PCLO: variants seen among roughly 807,000 people sequenced by gnomAD.
PCLO encodes the protein piccolo presynaptic cytomatrix protein, also known as protein piccolo.
In PCLO, 82 loss-of-function variants were observed where a neutral mutation model predicts 427.5. The ratio of observed to expected loss-of-function variants is 0.19; its 90% CI spans 0.16 to 0.23. The LOEUF is 0.23. Among genes scored for constraint, PCLO ranks in the 10% least tolerant of loss-of-function variants. The pLI is 1.00. For missense variants in PCLO, 6,239 were observed against 6,115.9 expected (o/e 1.02, Z -0.67); for synonymous variants, 2,357 against 2,155.4 (o/e 1.09, Z -2.59).
intron 3 of PCLO, among the ~76,000 whole-genome samples, chr7:83,074,672 G>T (rs1789907284): frequency 6.6e-6 from 1 of 152,080 alleles, no homozygotes; most frequent in Non-Finnish European, 1.5e-5. Context: ...TAGATGAATT[G>T]TCACTAGATA....
intron 5 of PCLO, 31 bp from the exon 6 acceptor site, chr7:82,951,521 T>C: frequency 7.1e-7 from 1 of 1,405,860 alleles, no homozygotes; most frequent in Non-Finnish European, 9.7e-7. Flanking sequence ...ATAGTCCAGT[T>C]CCCAGAATGA....
intron 8 of PCLO, among the ~76,000 whole-genome samples, chr7:82,907,685 AAAC>A: frequency 6.6e-6 from 1 of 151,950 alleles, no homozygotes; most frequent in Non-Finnish European, 1.5e-5. Context: ...ATATATGCCT[AAAC>A]AAAATATGTA....
Position 82,953,419 on chromosome 7 carries a change from G to A in PCLO, c.7534C>T (p.Pro2512Ser), listed in dbSNP as rs970492935. The change falls in exon 5 of 25, where the codon CCC becomes TCC. Residue 2512 changes from proline to serine, a missense_variant. Physicochemically the swap from Pro to Ser is moderately conservative, Grantham distance 74. Coordinates refer to ENST00000333891, the MANE Select transcript of PCLO (RefSeq NM_033026.6). Reference protein sequence around the residue: ...RPEPSKPPIAPKPVIPQLPTT... With the variant: ...RPEPSKPPIASKPVIPQLPTT... ...GGAAGCTGAGGAATCACTGGTTTGG[G>A]GGCGATTGGAGGTTTGCTTGGCTCA... The A allele has an allele frequency of 1.9e-6, 3 of 1,613,630 alleles. No homozygotes were observed. The South Asian group carries it at 3.3e-5, about 18-fold the overall frequency.
At chr7:83,065,267 G>C (rs10240326) in intron 3 of PCLO, among the ~76,000 whole-genome samples, 117,830 of 151,734 alleles carry the variant, frequency 0.78, 46,620 homozygotes, top group African/African-American at 0.92. Context: ...TTTCTATAAG[G>C]CTTTTTCTAC....
intron 11 of PCLO, 113 bp from the exon 12 acceptor site, chr7:82,846,747 T>C (rs1792513747): frequency 1.5e-6 from 1 of 645,784 alleles, no homozygotes; most frequent in Non-Finnish European, 2.6e-6. Context: ...TGGTTAATGA[T>C]ATAAAGCAAC....
At chr7:82,893,078 T>C (rs1793810418) in intron 9 of PCLO, among the ~76,000 whole-genome samples, 1 of 152,118 alleles carries the variant, frequency 6.6e-6, no homozygotes, top group African/African-American at 2.4e-5. Context: ...ACTGGGTATA[T>C]ACCCAAAGGA....
rs144618086 is a variant in PCLO at position 83,074,432 on chromosome 7, A to G, written c.3300+59818T>C. Among the ~76,000 whole-genome samples, 393 of 152,222 alleles carry G rather than the reference A, an allele frequency of 2.6e-3. 2 individuals carry two copies. The highest frequency in any genetic ancestry group is 9.1e-3 in the African/African-American group (378 of 41,576). ...TATAAATTACCTTTGATAAAAATCT[A>G]GTGAGGCCCAATTATGTAAAAGTAT... On this transcript the variant is annotated intron_variant, in intron 3 of 24. Transcript: ENST00000333891.
At chr7:83,096,516 T>A (rs78522948) in intron 3 of PCLO, among the ~76,000 whole-genome samples, 2 of 151,548 alleles carry the variant, frequency 1.3e-5, no homozygotes, top group Non-Finnish European at 2.9e-5. Flanking sequence ...ATTTAAACCA[T>A]GTGAAGGACT....
At chr7:83,011,656 C>T (rs548197770) in intron 3 of PCLO, among the ~76,000 whole-genome samples, 3 of 151,764 alleles carry the variant, frequency 2.0e-5, no homozygotes, top group African/African-American at 7.2e-5. Context: ...CCAAATTTGG[C>T]TTCAAACCAC....
intron 7 of PCLO, among the ~76,000 whole-genome samples, chr7:82,911,585 T>C (rs529674356): frequency 3.7e-4 from 56 of 152,214 alleles, no homozygotes; most frequent in African/African-American, 1.3e-3. Context: ...GAAATATATA[T>C]ACTTTTAAAA....
Position 82,822,586 on chromosome 7 carries a change from G to A in PCLO, c.14700C>T (p.Ser4900=), listed in dbSNP as rs1459892760. The change falls in exon 20 of 25, where the codon AGC becomes AGT. Residue 4900 remains serine, a synonymous_variant. Transcript: ENST00000333891. The part of the protein sequence containing the change: ...LRSHGPSRSQ[S]KTSVTQTHLE... ...GGTGGGTCTGAGTGACGCTGGTTTT[G>A]CTTTGACTGCGAGATGGTCCATGAG... The A allele has an allele frequency of 6.2e-7, 1 of 1,613,850 alleles. No homozygotes were observed. The highest frequency in any genetic ancestry group is 8.5e-7 in the Non-Finnish European group (1 of 1,179,832).
At chr7:82,847,594 T>C (rs1006121317) in intron 10 of PCLO, among the ~76,000 whole-genome samples, 2 of 152,130 alleles carry the variant, frequency 1.3e-5, no homozygotes, top group African/African-American at 4.8e-5. Flanking sequence ...AACAAACAAT[T>C]AGAAACCCCA....
rs768712198 is a variant in PCLO at position 82,758,581 on chromosome 7, C to T, written c.15423G>A (p.Thr5141=). Residue 5141 remains threonine (T), a synonymous_variant, in exon 25 of 25, where the codon ACG becomes ACA. Coordinates refer to ENST00000333891, the MANE Select transcript of PCLO (RefSeq NM_033026.6). ...CCTGAGAAGACATGTTTCTTCAATG[C>T]GTTTGAGTAGGACTGACCAAAAGTT... ...WHKLLVSPTQ[T]H 96 of 1,607,490 alleles carry T rather than the reference C, an allele frequency of 6.0e-5. No homozygotes were observed. Among genetic ancestry groups the T allele is most frequent in the Non-Finnish European group, 7.1e-5 (84 of 1,176,986 alleles).
chr7:83,090,505 T>C (rs1790351741), intron 3 of PCLO, among the ~76,000 whole-genome samples: 2 of 151,938 alleles, frequency 1.3e-5, no homozygotes, highest in South Asian at 4.1e-4. Context: ...AAATCAGGAG[T>C]CCTAAATAAT....
intron 3 of PCLO, among the ~76,000 whole-genome samples, chr7:83,050,810 G>A (rs1789235412): frequency 6.6e-6 from 1 of 151,774 alleles, no homozygotes; most frequent in South Asian, 2.1e-4. Flanking sequence ...CTACTCAGGA[G>A]GCTAAAACAG....
Position 83,155,584 on chromosome 7 carries a change from C to T in PCLO, c.1057G>A (p.Val353Ile). 1 of 1,612,384 alleles carries T rather than the reference C, an allele frequency of 6.2e-7. No individual in the cohort carries two copies. Residue 353 changes from valine (V) to isoleucine (I), a missense_variant, in exon 2 of 25, where the codon GTC becomes ATC. Physicochemically the swap from Val to Ile is conservative, Grantham distance 29 (BLOSUM62 3). Transcript: ENST00000333891. ...AQQPGTVKPP[V>I]QPPGTTKPPA... is the part of the protein sequence containing the mutation. ...GGCTTTGTTGTCCCTGGTGGCTGGA[C>T]TGGGGGTTTCACTGTCCCTGGTTGT...
intron 22 of PCLO, among the ~76,000 whole-genome samples, chr7:82,770,987 T>C (rs528589009): frequency 1.6e-4 from 25 of 152,102 alleles, no homozygotes; most frequent in African/African-American, 5.8e-4. Context: ...ATTTTATGTG[T>C]AGGACAACAT....
chr7:82,786,403 T>C (rs1790984262), intron 22 of PCLO, among the ~76,000 whole-genome samples: 1 of 152,210 alleles, frequency 6.6e-6, no homozygotes, highest in South Asian at 2.1e-4. Context: ...GAGTTTTAAA[T>C]CTTAAAAGTT....
At chr7:83,082,859 G>T (rs2116404308) in intron 3 of PCLO, among the ~76,000 whole-genome samples, 1 of 151,830 alleles carries the variant, frequency 6.6e-6, no homozygotes, top group East Asian at 1.9e-4. Flanking sequence ...ATTATGTGGA[G>T]AGGCTGGTTC....
Sources: allele counts gnomAD v4.1 joint callset (sites outside exome capture counted in the v4.1 genomes callset), GRCh38; gene constraint gnomAD v4.1.1; transcripts MANE v1.5; gene names NCBI Gene and HGNC (gene_info 2026-07-23, HGNC 2026-07-21).